Variants in CLIC5 observed in about 807,000 individuals in gnomAD.
CLIC5 encodes CLIC family member 5, also known as chloride intracellular channel protein 5.
Under a neutral mutation model 24.7 loss-of-function variants are expected in CLIC5, and 20 were observed. The ratio of observed to expected loss-of-function variants is 0.81; its 90% CI spans 0.57 to 1.18. The LOEUF (loss-of-function observed/expected upper bound fraction) is 1.18, where lower values mean the gene tolerates loss of function less well. Ranked by LOEUF, CLIC5 falls within the 50% of genes most tolerant of loss-of-function variation. CLIC5 has a pLI of 0.00. For missense variants in CLIC5, 341 were observed against 326.1 expected (o/e 1.05, Z -0.35); for synonymous variants, 159 against 135.6 (o/e 1.17, Z -1.20).
intron 1 of CLIC5, among the ~76,000 whole-genome samples, chr6:45,992,489 A>G (rs1205630571): frequency 6.6e-6 from 1 of 152,246 alleles, no homozygotes; most frequent in Non-Finnish European, 1.5e-5. Flanking sequence ...TTTATTGAAG[A>G]GAATTTTAGA....
chr6:45,941,169 C>T (rs548354924), intron 4 of CLIC5, among the ~76,000 whole-genome samples: 7 of 152,134 alleles, frequency 4.6e-5, no homozygotes, highest in Non-Finnish European at 8.8e-5. Flanking sequence ...CAGAAGGAAG[C>T]GGGAATATGT....
chr6:46,091,358 T>C, the CLIC5 span, among the ~76,000 whole-genome samples: 1 of 152,196 alleles, frequency 6.6e-6, no homozygotes, highest in Non-Finnish European at 1.5e-5. Context: ...AGTATTTGTT[T>C]TTCTGTCCTG....
intron 2 of CLIC5, among the ~76,000 whole-genome samples, chr6:45,953,751 C>CAG (rs1275721238): frequency 6.6e-6 from 1 of 151,856 alleles, no homozygotes; most frequent in Non-Finnish European, 1.5e-5. Context: ...AAGGATGGGT[C>CAG]AGAGAGAGAG....
At chr6:46,113,328 A>C in the CLIC5 span, among the ~76,000 whole-genome samples, 3 of 152,178 alleles carry the variant, frequency 2.0e-5, no homozygotes, top group Non-Finnish European at 4.4e-5. Flanking sequence ...AGAAGTGGGA[A>C]GGAAAGAAAC....
In CLIC5 at chr6:45,903,169, A is replaced by T. The variant is rs1184465466; in HGVS notation, c.675T>A (p.Asp225Glu). 2 of 1,614,136 alleles carry T rather than the reference A, an allele frequency of 1.2e-6. No individual in the cohort carries two copies. The highest frequency in any genetic ancestry group is 2.2e-5 in the South Asian group (2 of 91,076). ...WRYLKNAYAR[D>E]EFTNTCAADS... ...CAGCTGCACAGGTGTTGGTGAACTC[A>T]TCACGGGCATAGGCGTTCTTGAGGT... Residue 225 changes from aspartate (D) to glutamate (E), a missense_variant, in exon 6 of 6, where the codon GAT (aspartate) becomes GAA (glutamate). Asp to Glu is a conservative substitution (Grantham distance 45). Coordinates refer to ENST00000339561, the MANE Select transcript of CLIC5 (RefSeq NM_016929.5).
At chr6:45,896,500 A>G (rs1762394425), downstream of CLIC5, among the ~76,000 whole-genome samples, 1 of 152,254 alleles carries the variant, frequency 6.6e-6, no homozygotes, top group Admixed American at 6.5e-5. Context: ...CTTTGTTTTC[A>G]GTCCTGACTT....
intron 1 of CLIC5, among the ~76,000 whole-genome samples, chr6:45,957,320 A>G (rs189443950): frequency 2.5e-4 from 38 of 152,278 alleles, no homozygotes; most frequent in Admixed American, 2.2e-3. Flanking sequence ...TAACTTGTTT[A>G]TTTCTCCTGA....
chr6:46,091,627 A>G, the CLIC5 span, among the ~76,000 whole-genome samples: 260 of 152,298 alleles, frequency 1.7e-3, no homozygotes, highest in African/African-American at 4.3e-3. Context: ...GGTCCCAGCT[A>G]CTTGGGAGGT....
chr6:45,926,411 CT>C (rs1270588934), intron 4 of CLIC5, among the ~76,000 whole-genome samples: 1 of 150,670 alleles, frequency 6.6e-6, no homozygotes. Flanking sequence ...CCACACCCGG[CT>C]AAATTTTTTT....
intron 1 of CLIC5, among the ~76,000 whole-genome samples, chr6:46,057,199 C>T (rs1183076664): frequency 2.0e-5 from 3 of 152,180 alleles, no homozygotes; most frequent in Non-Finnish European, 4.4e-5. Flanking sequence ...TTAATTGTAT[C>T]CCCCAGAATT....
chr6:45,911,796 G>A lies in CLIC5; in HGVS notation c.588+2432C>T, dbSNP rs948633369. ...CTAGGCAAGGATCCCAGTGAGCAAG[G>A]AAAGGCCTGCAGATGCCTCTCCCAA... On this transcript the variant is annotated intron_variant, in intron 5 of 5. Coordinates refer to ENST00000339561, the MANE Select transcript of CLIC5 (RefSeq NM_016929.5). 2.6e-5 allele frequency: 26 copies of A among 985,346 alleles called. No homozygotes were observed. The African/African-American group carries it at 4.4e-4, about 17-fold the overall frequency. The allele number at this position is 985,346 out of a possible 1,614,324, so 61.0% of individuals were successfully genotyped here.
At chr6:46,056,912 C>G (rs1299637347) in intron 1 of CLIC5, among the ~76,000 whole-genome samples, 1 of 152,154 alleles carries the variant, frequency 6.6e-6, no homozygotes, top group Non-Finnish European at 1.5e-5. Flanking sequence ...GAAAACCCTC[C>G]TCACCCCCCA....
intron 1 of CLIC5, among the ~76,000 whole-genome samples, chr6:46,048,321 T>C (rs1285881077): frequency 1.3e-5 from 2 of 152,152 alleles, no homozygotes; most frequent in African/African-American, 2.4e-5. Context: ...TATTTTGTAG[T>C]TGGAATTTCA....
rs180990352 is a variant in CLIC5 at position 45,931,010 on chromosome 6, T to C, written c.406+10537A>G. ...CATGCTGCCCTCAAGCTAAGTATTG[T>C]TTTGTGTTTTACATTTTTGCATGGT... On this transcript the variant is annotated intron_variant, in intron 4 of 5. Coordinates refer to ENST00000339561, the MANE Select transcript of CLIC5 (RefSeq NM_016929.5). Among the ~76,000 whole-genome samples, 21 of 152,312 alleles carry C rather than the reference T, an allele frequency of 1.4e-4. No individual in the cohort carries two copies. The East Asian group carries it at 2.3e-3, about 17-fold the overall frequency.
At chr6:45,921,914 T>A (rs1352076589) in intron 4 of CLIC5, among the ~76,000 whole-genome samples, 1 of 152,186 alleles carries the variant, frequency 6.6e-6, no homozygotes, top group Non-Finnish European at 1.5e-5. Context: ...GAGGAGGATG[T>A]TGTCAAATTG....
intron 1 of CLIC5, among the ~76,000 whole-genome samples, chr6:46,039,284 A>G (rs1767742748): frequency 6.6e-6 from 1 of 152,140 alleles, no homozygotes; most frequent in African/African-American, 2.4e-5. Context: ...AAAATATGTG[A>G]CAATTACCAA....
At chr6:46,042,590 C>G (rs901443641) in intron 1 of CLIC5, among the ~76,000 whole-genome samples, 1 of 152,132 alleles carries the variant, frequency 6.6e-6, no homozygotes, top group Non-Finnish European at 1.5e-5. Flanking sequence ...CTAGAGGGTG[C>G]TGTTTTCCTG....
chr6:46,045,518 C>T (rs1475970448), intron 1 of CLIC5, among the ~76,000 whole-genome samples: 1 of 152,118 alleles, frequency 6.6e-6, no homozygotes, highest in Non-Finnish European at 1.5e-5. Flanking sequence ...ATGCTGGTTG[C>T]CAAGAAACCA....
At chr6:45,958,431 T>TATATATATATATACACACACACACACAC (rs1561964405) in intron 1 of CLIC5, among the ~76,000 whole-genome samples, 1 of 4,046 alleles carries the variant, frequency 2.5e-4, no homozygotes, top group African/African-American at 4.2e-4. Context: ...ATTATATATA[T>TATATATATATATACACACACACACACAC]ATATATATAT....
Sources: gnomAD v4.1 joint callset for allele counts (sites outside exome capture counted in the v4.1 genomes callset) on GRCh38, gnomAD v4.1.1 for gene constraint, MANE v1.5 for transcripts, NCBI Gene and HGNC (gene_info 2026-07-23, HGNC 2026-07-21) for gene names.